NMNAT2: variants seen among roughly 807,000 people sequenced by gnomAD.
NMNAT2 encodes nicotinamide/nicotinic acid mononucleotide adenylyltransferase 2.
NMNAT2 carries 11 observed loss-of-function variants against 41.6 expected under a neutral mutation model. The observed-to-expected ratio is 0.26, with a 90% CI of 0.17 to 0.44. The LOEUF (loss-of-function observed/expected upper bound fraction) is 0.44. NMNAT2 is among the 20% of genes least tolerant of loss of function. The pLI, the probability that NMNAT2 is intolerant of heterozygous loss-of-function variation, is 1.00. For missense variants in NMNAT2, 288 were observed against 407.7 expected (o/e 0.71, Z 2.53); for synonymous variants, 148 against 151.2 (o/e 0.98, Z 0.16).
In NMNAT2 at chr1:183,257,209, G is replaced by A. The variant is rs187141811; in HGVS notation, c.821+3793C>T. Among the ~76,000 whole-genome samples the A allele has an allele frequency of 1.9e-3, 285 of 152,124 alleles. 1 individual carries two copies. Among genetic ancestry groups the A allele is most frequent in the African/African-American group, 6.6e-3 (273 of 41,538 alleles). On this transcript the variant is annotated intron_variant, in intron 10 of 10. Coordinates refer to ENST00000287713, the MANE Select transcript of NMNAT2 (RefSeq NM_015039.4). ...TGTAATACCAGCACTTTGGGAGGCC[G>A]AGGTGGGTGGATCACAAGCTCAGGA...
chr1:183,326,564 G>C (rs1662469424), intron 1 of NMNAT2, among the ~76,000 whole-genome samples: 1 of 152,078 alleles, frequency 6.6e-6, no homozygotes, highest in South Asian at 2.1e-4. Flanking sequence ...CTCCAGGACA[G>C]GGAAAATTTG....
At chr1:183,281,880 G>A (rs376110190) in intron 7 of NMNAT2, among the ~76,000 whole-genome samples, 3 of 152,246 alleles carry the variant, frequency 2.0e-5, no homozygotes, top group African/African-American at 2.4e-5. Context: ...CTCACACAGC[G>A]CAGGAGTCGG....
At chr1:183,403,733 G>A (rs2101928011) in intron 1 of NMNAT2, among the ~76,000 whole-genome samples, 1 of 152,340 alleles carries the variant, frequency 6.6e-6, no homozygotes. Context: ...TCAGCAGGGA[G>A]TTCTTTATTC....
chr1:183,365,036 G>T (rs1300777284), intron 1 of NMNAT2, among the ~76,000 whole-genome samples: 1 of 152,132 alleles, frequency 6.6e-6, no homozygotes. Flanking sequence ...GCCTCCATTT[G>T]CTCATATTTA....
intron 1 of NMNAT2, among the ~76,000 whole-genome samples, chr1:183,339,662 T>TA (rs1436883866): frequency 6.6e-6 from 1 of 152,180 alleles, no homozygotes; most frequent in Non-Finnish European, 1.5e-5. Flanking sequence ...ATTGAACACT[T>TA]ACAATGTGCT....
At chr1:183,402,409 T>C (rs1404393284) in intron 1 of NMNAT2, among the ~76,000 whole-genome samples, 2 of 152,178 alleles carry the variant, frequency 1.3e-5, no homozygotes, top group African/African-American at 2.4e-5. Flanking sequence ...CATTAAGACT[T>C]ACATAGAAAG....
Position 183,418,380 on chromosome 1 carries a change from C to T in NMNAT2, c.-113G>A. 14 of 977,592 alleles carry T rather than the reference C, an allele frequency of 1.4e-5. No individual in the cohort carries two copies. In the South Asian group the frequency reaches 1.9e-4, roughly 14 times the overall value. 60.6% of individuals were successfully genotyped at this position (977,592 alleles called of 1,614,324 possible). On this transcript the variant is annotated 5_prime_UTR_variant, in exon 1 of 11. Coordinates refer to ENST00000287713, the MANE Select transcript of NMNAT2 (RefSeq NM_015039.4). ...CTCCGGCGGTGGATGCTGTGGACTC[C>T]AAGGAGCCGCTCCAGACGCAAACCG...
chr1:183,250,652 G>A lies in NMNAT2; in HGVS notation c.*1989C>T, dbSNP rs1241227807. 3.3e-5 allele frequency: 5 copies of A among 152,612 alleles called. No individual in the cohort carries two copies. The highest frequency in any genetic ancestry group is 1.2e-4 in the African/African-American group (5 of 41,436). 9.5% of individuals were successfully genotyped at this position (152,612 alleles called of 1,614,324 possible). A position where few individuals can be genotyped will look rare whatever the true frequency, so the allele number is the denominator to read the frequency against. On this transcript the variant is annotated 3_prime_UTR_variant, in exon 11 of 11. Transcript: ENST00000287713. ...GCTCCCTCAACTTTTAAAGGAAAGT[G>A]TTGGATCAACTGAACTCTAAAGTTT...
chr1:183,327,058 G>GTATGTATGTATGTATT (rs141051191), intron 1 of NMNAT2, among the ~76,000 whole-genome samples: 45 of 150,956 alleles, frequency 3.0e-4, no homozygotes, highest in Non-Finnish European at 4.6e-4. Context: ...ATGTATGTAT[G>GTATGTATGTATGTATT]TATTTATTTT....
chr1:183,397,456 T>C (rs1298835590), intron 1 of NMNAT2, among the ~76,000 whole-genome samples: 2 of 152,090 alleles, frequency 1.3e-5, no homozygotes, highest in African/African-American at 4.8e-5. Context: ...CTAAAAGTGA[T>C]GGGGAGAATG....
chr1:183,307,525 C>A (rs1220835868), intron 1 of NMNAT2, among the ~76,000 whole-genome samples: 1 of 152,054 alleles, frequency 6.6e-6, no homozygotes, highest in South Asian at 2.1e-4. Context: ...TCACTGCAAC[C>A]TCTGTCTCCT....
intron 1 of NMNAT2, among the ~76,000 whole-genome samples, chr1:183,341,305 T>G (rs1254655936): frequency 6.6e-6 from 1 of 152,010 alleles, no homozygotes; most frequent in Non-Finnish European, 1.5e-5. Flanking sequence ...GCAACCACAA[T>G]GCTATAAACA....
chr1:183,333,886 G>T (rs1456816762), intron 1 of NMNAT2, among the ~76,000 whole-genome samples: 1 of 152,106 alleles, frequency 6.6e-6, no homozygotes, highest in Non-Finnish European at 1.5e-5. Flanking sequence ...TTCCAGCTGT[G>T]TTCTTGTTCT....
At chr1:183,365,013 C>T (rs1177575804) in intron 1 of NMNAT2, among the ~76,000 whole-genome samples, 1 of 152,144 alleles carries the variant, frequency 6.6e-6, no homozygotes, top group African/African-American at 2.4e-5. Flanking sequence ...ACAGGAACCT[C>T]AACCTTCTCT....
chr1:183,291,015 C>T (rs1661526372), intron 3 of NMNAT2, among the ~76,000 whole-genome samples: 1 of 152,166 alleles, frequency 6.6e-6, no homozygotes, highest in African/African-American at 2.4e-5. Flanking sequence ...CTCCTGGGTT[C>T]AAGTGATTCT....
intron 1 of NMNAT2, among the ~76,000 whole-genome samples, chr1:183,370,275 CAG>C (rs1553219528): frequency 2.7e-5 from 4 of 146,938 alleles, no homozygotes; most frequent in Non-Finnish European, 4.5e-5. Flanking sequence ...CACACACACA[CAG>C]GCTGCAGTGG....
chr1:183,281,157 A>T (rs1661257517), intron 7 of NMNAT2, among the ~76,000 whole-genome samples: 1 of 152,114 alleles, frequency 6.6e-6, no homozygotes, highest in South Asian at 2.1e-4. Context: ...AAGCCAAAAG[A>T]TTGGACAGCC....
intron 1 of NMNAT2, among the ~76,000 whole-genome samples, chr1:183,311,924 T>C (rs1348459158): frequency 6.6e-6 from 1 of 152,102 alleles, no homozygotes; most frequent in East Asian, 1.9e-4. Flanking sequence ...TGATAGCAAG[T>C]AAGTCTCACC....
Position 183,359,580 on chromosome 1 carries a change from C to T in NMNAT2, c.85+58603G>A, listed in dbSNP as rs765411940. On this transcript the variant is annotated intron_variant, in intron 1 of 10. Transcript: ENST00000287713. ...CCTTCTCTATGCGAGGTTGTACTGG[C>T]CTTGGGTAAACCTTTGTCCAAGCAG... 2.0e-5 allele frequency among the ~76,000 whole-genome samples: 3 copies of T among 152,236 alleles called. 1 individual carries two copies. Among genetic ancestry groups the T allele is most frequent in the South Asian group, 4.1e-4 (2 of 4,826 alleles).
Sources: gnomAD v4.1 joint callset for allele counts (sites outside exome capture counted in the v4.1 genomes callset) on GRCh38, gnomAD v4.1.1 for gene constraint, MANE v1.5 for transcripts, NCBI Gene and HGNC (gene_info 2026-07-23, HGNC 2026-07-21) for gene names.